Variants in PMS1 observed in about 807,000 individuals in gnomAD.
PMS1 encodes the protein PMS1 homolog 1, mismatch repair system component.
PMS1 carries 79 observed loss-of-function variants against 93.1 expected under a neutral mutation model. The ratio of observed to expected loss-of-function variants is 0.85; its 90% CI spans 0.71 to 1.02. The LOEUF is 1.02. Ranked by LOEUF, PMS1 falls within the 50% of genes least tolerant of loss-of-function variation. The pLI is 0.00. For missense variants in PMS1, 1,064 were observed against 1,085.3 expected (o/e 0.98, Z 0.28); for synonymous variants, 335 against 363.4 (o/e 0.92, Z 0.89).
At position 189,853,690 on chromosome 2, in the gene PMS1, A is replaced by G. The variant is rs112794075; in HGVS notation, c.823-249A>G. On this transcript the variant is annotated intron_variant, in intron 7 of 12. Transcript: ENST00000441310. ...GCCACTATGCCCGGCTAATTTTTGT[A>G]CTTTTTAGTAGAGATGGGGTTTCAT... 5.8e-4 allele frequency among the ~76,000 whole-genome samples: 87 copies of G among 150,090 alleles called. 1 individual carries two copies. Among genetic ancestry groups the G allele is most frequent in the African/African-American group, 2.1e-3 (85 of 40,878 alleles).
chr2:189,858,912 C>T (rs552040632), intron 9 of PMS1, among the ~76,000 whole-genome samples: 1 of 152,222 alleles, frequency 6.6e-6, no homozygotes, highest in African/African-American at 2.4e-5. Context: ...GCACAAACTA[C>T]ATGCCATGCT....
chr2:189,830,541 A>G (rs1405318122), intron 5 of PMS1, among the ~76,000 whole-genome samples: 2 of 152,034 alleles, frequency 1.3e-5, no homozygotes. Context: ...TCAGTATCCA[A>G]TATGCTATAT....
chr2:189,857,600 TTTC>T lies in PMS1; in HGVS notation c.1856+2480_1856+2482del, dbSNP rs371069878. The T allele has an allele frequency of 1.4e-4, 57 of 404,540 alleles. No homozygotes were observed. The East Asian group carries it at 2.1e-3, about 15-fold the overall frequency. 25.1% of individuals were successfully genotyped at this position (404,540 alleles called of 1,614,324 possible). ...TTTTTTCTTCCTTTTTTCCTTTTCC[TTTC>T]TTCTTCTCTCGATTCCTCCTTTCCC... On this transcript the variant is annotated intron_variant, in intron 9 of 12. Coordinates refer to ENST00000441310, the MANE Select transcript of PMS1 (RefSeq NM_000534.5).
intron 2 of PMS1, among the ~76,000 whole-genome samples, chr2:189,793,424 A>G (rs1201199555): frequency 6.6e-6 from 1 of 152,236 alleles, no homozygotes; most frequent in African/African-American, 2.4e-5. Flanking sequence ...CCATTCTTCT[A>G]TATCAAACCT....
intron 5 of PMS1, among the ~76,000 whole-genome samples, chr2:189,823,514 C>T (rs780446118): frequency 6.7e-6 from 1 of 149,224 alleles, no homozygotes; most frequent in Non-Finnish European, 1.5e-5. Context: ...TGATTTTTAA[C>T]CAAGGGAATA....
intron 4 of PMS1, among the ~76,000 whole-genome samples, chr2:189,817,634 G>T (rs949341366): frequency 1.3e-5 from 2 of 152,056 alleles, no homozygotes; most frequent in Non-Finnish European, 2.9e-5. Context: ...GTAACATAAG[G>T]TTATTATATA....
At chr2:189,854,142 T>G in intron 8 of PMS1, 60 bp downstream of exon 8, 1 of 1,382,528 alleles carries the variant, frequency 7.2e-7, no homozygotes, top group Non-Finnish European at 9.9e-7. Context: ...ACTGTTTTCA[T>G]ATAAAAAGAT....
At chr2:189,864,339 A>G (rs1167537884) in intron 10 of PMS1, 111 bp downstream of exon 10, 3 of 829,032 alleles carry the variant, frequency 3.6e-6, no homozygotes, top group Admixed American at 1.8e-5. Flanking sequence ...GATTAGTGGT[A>G]TTTATTTATT....
chr2:189,852,407 AAG>A, intron 6 of PMS1, among the ~76,000 whole-genome samples: 1 of 152,206 alleles, frequency 6.6e-6, no homozygotes, highest in Non-Finnish European at 1.5e-5. Flanking sequence ...ACCATTCATG[AAG>A]ATTTTATAAA....
Position 189,805,990 on chromosome 2 carries a change from ACTC to A in PMS1, c.418+240_418+242del, listed in dbSNP as rs2050309480. ...GACTGGACACTTCCATGGACTAGTT[ACTC>A]CTCTGTAAAAACTAAGAGTATTTAT... is the stretch of plus-strand genomic sequence containing the variant. On this transcript the variant is annotated intron_variant, in intron 4 of 12. Transcript: ENST00000441310. 2.2e-6 allele frequency: 3 copies of A among 1,341,126 alleles called. No homozygotes were observed. In the African/African-American group the frequency reaches 4.4e-5, roughly 20 times the overall value. 83.1% of individuals were successfully genotyped at this position (1,341,126 alleles called of 1,614,324 possible).
At chr2:189,826,953 G>C (rs1575162453) in intron 5 of PMS1, among the ~76,000 whole-genome samples, 1 of 152,008 alleles carries the variant, frequency 6.6e-6, no homozygotes, top group Non-Finnish European at 1.5e-5. Context: ...TCATTCTTTT[G>C]AATTCCTTGG....
At chr2:189,802,335 C>A (rs1474097685) in intron 3 of PMS1, among the ~76,000 whole-genome samples, 2 of 151,976 alleles carry the variant, frequency 1.3e-5, no homozygotes, top group African/African-American at 2.4e-5. Context: ...ATACTGTATT[C>A]TTATAATAAA....
chr2:189,854,115 A>G, intron 8 of PMS1, 33 bp downstream of exon 8: 2 of 1,476,324 alleles, frequency 1.4e-6, no homozygotes, highest in Non-Finnish European at 1.9e-6. Flanking sequence ...TTCTTATGCT[A>G]TTTATAAACA....
intron 4 of PMS1, 44 bp from the exon 5 acceptor site, chr2:189,817,973 G>A (rs779890408): frequency 4.2e-6 from 6 of 1,424,648 alleles, no homozygotes; most frequent in South Asian, 2.3e-5. Flanking sequence ...GATCTGTGAC[G>A]TTCCTTCCAA....
chr2:189,816,417 T>G (rs1415167784), intron 4 of PMS1, among the ~76,000 whole-genome samples: 1 of 152,196 alleles, frequency 6.6e-6, no homozygotes, highest in Non-Finnish European at 1.5e-5. Context: ...ATGTTAGTCT[T>G]TTCTTGTAAG....
chr2:189,838,077 A>G (rs1413663368), intron 5 of PMS1, among the ~76,000 whole-genome samples: 1 of 152,224 alleles, frequency 6.6e-6, no homozygotes, highest in African/African-American at 2.4e-5. Context: ...AGATTAAATC[A>G]TGCTGTTGGT....
chr2:189,863,664 A>C (rs549371065), intron 9 of PMS1, 79 bp from the exon 10 acceptor site: 1 of 1,125,310 alleles, frequency 8.9e-7, no homozygotes, highest in African/African-American at 1.6e-5. Flanking sequence ...CCAGTACTTT[A>C]TTTTTATAAA....
intron 10 of PMS1, among the ~76,000 whole-genome samples, chr2:189,864,900 T>C (rs1194670991): frequency 7.3e-5 from 11 of 150,726 alleles, no homozygotes; most frequent in Admixed American, 7.3e-4. Context: ...TATGTACTCA[T>C]TGTTTTGACA....
chr2:189,798,722 A>C (rs1020209159), intron 3 of PMS1, among the ~76,000 whole-genome samples: 3 of 114,864 alleles, frequency 2.6e-5, no homozygotes, highest in Non-Finnish European at 5.5e-5. Context: ...TCTAGAAGTC[A>C]TTTTTTTTTT....
Sources: gnomAD v4.1 joint callset for allele counts (sites outside exome capture counted in the v4.1 genomes callset) on GRCh38, gnomAD v4.1.1 for gene constraint, MANE v1.5 for transcripts, NCBI Gene and HGNC (gene_info 2026-07-23, HGNC 2026-07-21) for gene names.